The following MYRF variants were observed in gnomAD, a reference collection of about 807,000 sequenced individuals.
The protein encoded by MYRF is myelin gene regulatory factor.
MYRF carries 16 observed loss-of-function variants against 126.3 expected under a neutral mutation model. The ratio of observed to expected loss-of-function variants is 0.13; its 90% CI spans 0.09 to 0.19. The LOEUF is 0.19. Ranked by LOEUF, MYRF falls within the 10% of genes least tolerant of loss-of-function variation. The probability of loss-of-function intolerance (pLI) is 1.00; values close to 1 mark genes in which losing one functional copy is unlikely to be tolerated. For missense variants in MYRF, 1,104 were observed against 1,547.0 expected (o/e 0.71, Z 4.80); for synonymous variants, 608 against 635.3 (o/e 0.96, Z 0.65).
intron 8 of MYRF, among the ~76,000 whole-genome samples, chr11:61,775,598 G>A (rs1039390754): frequency 6.6e-6 from 1 of 152,154 alleles, no homozygotes; most frequent in Non-Finnish European, 1.5e-5. Context: ...GAGTAGAGGA[G>A]ACGTGGGTAT....
chr11:61,775,079 C>T (rs1406050785), intron 8 of MYRF, among the ~76,000 whole-genome samples: 1 of 152,202 alleles, frequency 6.6e-6, no homozygotes, highest in Non-Finnish European at 1.5e-5. Flanking sequence ...ATCCCTCTAC[C>T]TGGTCCGGTC....
chr11:61,763,315 C>A lies in MYRF; in HGVS notation c.47-2310C>A, dbSNP rs931047144. On this transcript the variant is annotated intron_variant, in intron 1 of 26. Transcript: ENST00000278836. ...GATTATGTTACCTATCTGAACATCC[C>A]CACTGTTTAGAGAGGGAAAATGCAT... is the stretch of plus-strand genomic sequence containing the variant. Among the ~76,000 whole-genome samples, 86 of 152,270 alleles carry A rather than the reference C, an allele frequency of 5.6e-4. 1 individual carries two copies. Among genetic ancestry groups the A allele is most frequent in the African/African-American group, 1.9e-3 (81 of 41,540 alleles).
In MYRF at chr11:61,779,349, G is replaced by A. The variant is rs1342714328; in HGVS notation, c.2100G>A (p.Glu700=). The A allele has an allele frequency of 6.4e-7, 1 of 1,551,236 alleles. No individual in the cohort carries two copies. The highest frequency in any genetic ancestry group is 2.4e-5 in the East Asian group (1 of 40,920). Reference sequence around the variant, plus strand: ...TGGAGACGCGCATTGATGAGCTGGAGCGCTGGAGCCACAAGCTGGCCAAGC... The same window carrying A: ...TGGAGACGCGCATTGATGAGCTGGAACGCTGGAGCCACAAGCTGGCCAAGC... ...DNLETRIDEL[E]RWSHKLAKLR... The change falls in exon 15 of 27, where the codon GAG becomes GAA. Residue 700 remains glutamate, a synonymous_variant. Coordinates refer to ENST00000278836, the MANE Select transcript of MYRF (RefSeq NM_001127392.3).
Position 61,783,563 on chromosome 11 carries a change from A to G in MYRF, c.3082A>G (p.Ile1028Val). 12 of 1,613,700 alleles carry G rather than the reference A, an allele frequency of 7.4e-6. No individual in the cohort carries two copies. Among genetic ancestry groups the G allele is most frequent in the Non-Finnish European group, 1.0e-5 (12 of 1,179,946 alleles). ...CCAGGTGCTGGAGAATTCGATGTCCATCACCTCCCAGTACTGTGCTCCAGG... is the reference window on the plus strand; with the variant it reads ...CCAGGTGCTGGAGAATTCGATGTCCGTCACCTCCCAGTACTGTGCTCCAGG... ...SIQVLENSMS[I>V]TSQYCAPGDA... Residue 1028 changes from isoleucine to valine, a missense_variant, in exon 23 of 27, where the codon ATC becomes GTC. Ile to Val is a conservative substitution (Grantham distance 29, BLOSUM62 3). Around this residue, in one of 10 missense-constraint regions of MYRF, gnomAD observed 94 missense variants for 164.6 expected, o/e 0.57. Coordinates refer to ENST00000278836, the MANE Select transcript of MYRF (RefSeq NM_001127392.3). The surrounding 1 kb of genome is among the most constrained non-coding windows in gnomAD (Gnocchi z 4.6).
intron 8 of MYRF, 111 bp downstream of exon 8, chr11:61,774,273 C>G: frequency 9.7e-7 from 1 of 1,034,848 alleles, no homozygotes. Context: ...GCCTGTAATC[C>G]CAGCACTTTG....
chr11:61,786,261 CCTACCCGAGA>C lies in MYRF; in HGVS notation c.*121_*130del. ...CAGGCCAGCTCTGCTGTTCACTGGC[CCTACCCGAGA>C]CTGGTGAAACTGGAAGTCTTCACAC... On this transcript the variant is annotated 3_prime_UTR_variant, in exon 27 of 27. Coordinates refer to ENST00000278836, the MANE Select transcript of MYRF (RefSeq NM_001127392.3). This position sits in a 1 kb window ranked among gnomAD's most constrained non-coding sequence, Gnocchi z 4.5. 1 of 952,698 alleles carries C rather than the reference CCTACCCGAGA, an allele frequency of 1.0e-6. No homozygotes were observed. The highest frequency in any genetic ancestry group is 1.6e-6 in the Non-Finnish European group (1 of 614,726). 59.0% of individuals were successfully genotyped at this position (952,698 alleles called of 1,614,324 possible). A position where few individuals can be genotyped will look rare whatever the true frequency, so the allele number is the denominator to read the frequency against.
intron 1 of MYRF, among the ~76,000 whole-genome samples, chr11:61,758,703 C>T (rs1394372007): frequency 2.0e-5 from 3 of 152,226 alleles, no homozygotes; most frequent in Non-Finnish European, 2.9e-5. Flanking sequence ...CGGCTGTCCC[C>T]GCCATCTGGA....
At chr11:61,763,720 C>A (rs963208287) in intron 1 of MYRF, among the ~76,000 whole-genome samples, 8 of 152,086 alleles carry the variant, frequency 5.3e-5, no homozygotes, top group African/African-American at 1.7e-4. Flanking sequence ...AAAAAATTAG[C>A]CGTGTGTGGT....
At chr11:61,772,326 G>T (rs889742851) in intron 7 of MYRF, among the ~76,000 whole-genome samples, 1 of 152,180 alleles carries the variant, frequency 6.6e-6, no homozygotes, top group Non-Finnish European at 1.5e-5. Context: ...GGGAGGAGGG[G>T]CTGGGGAGGA....
intron 7 of MYRF, 128 bp from the exon 8 acceptor site, chr11:61,773,839 C>T (rs969478135): frequency 3.2e-5 from 23 of 722,530 alleles, no homozygotes; most frequent in African/African-American, 2.1e-4. Context: ...TGGGGGCAGC[C>T]GCATTGGTGG....
rs781340971 is a variant in MYRF, at chr11:61,781,551, C to G, written c.2765-22C>G. Reference sequence around the variant, plus strand: ...AGCAGCCAGCTTCCAGCTTCTTAGCCTGTGCCTGGTTCTATCCACAGGCCC... The same window carrying G: ...AGCAGCCAGCTTCCAGCTTCTTAGCGTGTGCCTGGTTCTATCCACAGGCCC... On this transcript the variant is annotated intron_variant, in intron 21 of 26. Coordinates refer to ENST00000278836, the MANE Select transcript of MYRF (RefSeq NM_001127392.3). 5.6e-6 allele frequency: 9 copies of G among 1,606,820 alleles called. No individual in the cohort carries two copies. In the African/African-American group the frequency reaches 9.4e-5, roughly 17 times the overall value.
At chr11:61,770,082 G>A (rs139832140) in intron 4 of MYRF, among the ~76,000 whole-genome samples, 164 bp from the exon 5 acceptor site, 1 of 152,094 alleles carries the variant, frequency 6.6e-6, no homozygotes, top group Non-Finnish European at 1.5e-5. Context: ...CAGGCCTCTA[G>A]TAGGTGGCTG....
rs571174505 is a variant in MYRF, at chr11:61,766,101, C to G, written c.278C>G (p.Pro93Arg). 2 of 1,607,498 alleles carry G rather than the reference C, an allele frequency of 1.2e-6. No individual in the cohort carries two copies. The highest frequency in any genetic ancestry group is 1.7e-6 in the Non-Finnish European group (2 of 1,179,136). Residue 93 changes from proline to arginine, a missense_variant, in exon 3 of 27, where the codon CCG (proline) becomes CGG (arginine). Physicochemically the swap from Pro to Arg is moderately radical, Grantham distance 103. Transcript: ENST00000278836. ...SPGRHGPLPP[P>R]GYGTPLNCNN... ...GGGCGCCATGGTCCCCTCCCACCCC[C>G]GGGCTACGGCACCCCGCTGAACTGC...
chr11:61,786,412 C>T lies in MYRF; in HGVS notation c.*269C>T, dbSNP rs2066696719. 5.9e-6 allele frequency: 3 copies of T among 511,162 alleles called. No homozygotes were observed. The highest frequency in any genetic ancestry group is 1.1e-5 in the Non-Finnish European group (3 of 281,620). 31.7% of individuals were successfully genotyped at this position (511,162 alleles called of 1,614,324 possible). On this transcript the variant is annotated 3_prime_UTR_variant, in exon 27 of 27. Transcript: ENST00000278836. This position sits in a 1 kb window ranked among gnomAD's most constrained non-coding sequence, Gnocchi z 4.5. ...AGGGGCCAGGACAGGACCAGTTTAC[C>T]TCTTTCCAGATATGGTGGTTGGAGG...
rs1357852477 is a variant in MYRF, at chr11:61,776,280, C to A, written c.1389-42C>A. On this transcript the variant is annotated intron_variant, in intron 9 of 26. Coordinates refer to ENST00000278836, the MANE Select transcript of MYRF (RefSeq NM_001127392.3). The surrounding 1 kb of genome is among the most constrained non-coding windows in gnomAD (Gnocchi z 4.3). ...CCCCTCAGTGGCGTGGCTCTTGCAG[C>A]CTCCCTCCCTGCCCCCTGAGCACCC... The A allele has an allele frequency of 5.1e-6, 8 of 1,583,308 alleles. No homozygotes were observed. Among genetic ancestry groups the A allele is most frequent in the Admixed American group, 1.7e-5 (1 of 57,858 alleles).
At chr11:61,753,137 A>G (rs2065652661) in intron 1 of MYRF, among the ~76,000 whole-genome samples, 1 of 150,804 alleles carries the variant, frequency 6.6e-6, no homozygotes, top group Non-Finnish European at 1.5e-5. Context: ...GGGACCCTCT[A>G]CTTTGCTTCC....
chr11:61,776,335 C>T lies in MYRF; in HGVS notation c.1402C>T (p.Pro468Ser), dbSNP rs780190234. The T allele has an allele frequency of 2.5e-6, 4 of 1,612,902 alleles. No homozygotes were observed. The highest frequency in any genetic ancestry group is 1.7e-6 in the Non-Finnish European group (2 of 1,179,696). Residue 468 changes from proline (P) to serine (S), a missense_variant, in exon 10 of 27, where the codon CCT (proline) becomes TCT (serine). This residue lies in a region of MYRF where 23 missense variants were observed against 26.6 expected (regional missense o/e 0.86). Transcript: ENST00000278836. The surrounding 1 kb of genome is among the most constrained non-coding windows in gnomAD (Gnocchi z 4.3). ...PFNPVTVNLP[P>S]EQVTKVTVGR... ...TCTCCTCTGCAGGGTCAATCTGCCC[C>T]CTGAGCAGGTCACGAAGGTGACTGT...
At chr11:61,780,479 C>T (rs72920160) in intron 18 of MYRF, among the ~76,000 whole-genome samples, 189 bp downstream of exon 18, 4,206 of 152,230 alleles carry the variant, frequency 0.028, 89 homozygotes, top group Non-Finnish European at 0.031. Context: ...TCCCTGCTGA[C>T]GCTGATGTTT....
chr11:61,764,640 C>T (rs554913935), intron 1 of MYRF, among the ~76,000 whole-genome samples: 40 of 152,274 alleles, frequency 2.6e-4, no homozygotes, highest in Non-Finnish European at 3.8e-4. Context: ...CCTCCATTAT[C>T]GGGGTTGACG....
Sources: gnomAD v4.1 joint callset for allele counts (sites outside exome capture counted in the v4.1 genomes callset) on GRCh38, gnomAD v4.1.1 for gene constraint, gnomAD v4.1.1 regional missense constraint, Gnocchi (gnomAD v3.1) non-coding constraint, MANE v1.5 for transcripts, NCBI Gene and HGNC (gene_info 2026-07-23, HGNC 2026-07-21) for gene names.